MYT1: variants seen among roughly 807,000 people sequenced by gnomAD.
The protein encoded by MYT1 is myelin transcription factor I.
In MYT1, 23 loss-of-function variants were observed where a neutral mutation model predicts 123.0. The observed-to-expected ratio is 0.19, with a 90% confidence interval of 0.13 to 0.26. MYT1 has a LOEUF of 0.26. Ranked by LOEUF, MYT1 falls within the 10% of genes least tolerant of loss-of-function variation. MYT1 has a pLI of 1.00. For missense variants in MYT1, 1,125 were observed against 1,472.5 expected (o/e 0.76, Z 3.86); for synonymous variants, 518 against 575.3 (o/e 0.90, Z 1.43).
Position 64,168,582 on chromosome 20 carries a change from C to T in MYT1, c.-99+3843C>T, listed in dbSNP as rs1381715023. ...CACAGCTGTGGGTGTCTGTGGTCCT[C>T]CTGCCACCCCTTGTCCTGCAGCACC... On this transcript the variant is annotated intron_variant, in intron 1 of 22. Coordinates refer to ENST00000328439, the MANE Select transcript of MYT1 (RefSeq NM_004535.3). The surrounding 1 kb of genome is among the most constrained non-coding windows in gnomAD (Gnocchi z 6.1). 1.3e-5 allele frequency among the ~76,000 whole-genome samples: 2 copies of T among 152,208 alleles called. No homozygotes were observed. The highest frequency in any genetic ancestry group is 3.9e-4 in the East Asian group (2 of 5,192).
chr20:64,221,958 T>G lies in MYT1; in HGVS notation c.2307T>G (p.Asn769Lys). ...EADDQEVSEE[N>K]FEERKYPGEV... Reference sequence around the variant, plus strand: ...ATGACCAGGAAGTGTCGGAAGAGAATTTTGAGGAGCGGAAGTATCCGGGGG... The same window carrying G: ...ATGACCAGGAAGTGTCGGAAGAGAAGTTTGAGGAGCGGAAGTATCCGGGGG... The change falls in exon 14 of 23, where the codon AAT (asparagine) becomes AAG (lysine). Residue 769 changes from asparagine to lysine, a missense_variant. Asn to Lys is a moderately conservative substitution (Grantham distance 94). This residue lies in a region of MYT1 where 429 missense variants were observed against 604.1 expected (regional missense o/e 0.71). Transcript: ENST00000328439. The G allele has an allele frequency of 6.2e-7, 1 of 1,613,774 alleles. No homozygotes were observed. Among genetic ancestry groups the G allele is most frequent in the South Asian group, 1.1e-5 (1 of 91,046 alleles).
At chr20:64,214,339 CTGTT>C (rs1292915958) in intron 10 of MYT1, among the ~76,000 whole-genome samples, 1 of 151,800 alleles carries the variant, frequency 6.6e-6, no homozygotes. Context: ...GTTCACACGC[CTGTT>C]TGTGTTCGCA....
intron 1 of MYT1, among the ~76,000 whole-genome samples, chr20:64,178,929 G>A (rs1479096922): frequency 7.5e-6 from 1 of 133,440 alleles, no homozygotes; most frequent in African/African-American, 2.9e-5. Flanking sequence ...GCACTGAGCC[G>A]TTATTCAGTG....
rs1265541000 is a variant in MYT1, at chr20:64,213,786, T to G, written c.1631+139T>G. 1 of 735,582 alleles carries G rather than the reference T, an allele frequency of 1.4e-6. No individual in the cohort carries two copies. The highest frequency in any genetic ancestry group is 1.7e-5 in the African/African-American group (1 of 57,444). 45.6% of individuals were successfully genotyped at this position (735,582 alleles called of 1,614,324 possible). A position where few individuals can be genotyped will look rare whatever the true frequency, so the allele number is the denominator to read the frequency against. The stretch of plus-strand genomic sequence containing the variant: ...ACGTGCATGTGAGTGTACGTGCATG[T>G]GAGTGTGCACATGCCCCGGGCCCCC... On this transcript the variant is annotated intron_variant, in intron 10 of 22. Transcript: ENST00000328439. The surrounding 1 kb of genome is among the most constrained non-coding windows in gnomAD (Gnocchi z 5.6).
intron 7 of MYT1, among the ~76,000 whole-genome samples, chr20:64,210,610 C>T (rs541015496): frequency 7.9e-5 from 12 of 152,344 alleles, no homozygotes; most frequent in Middle Eastern, 3.4e-3. Flanking sequence ...GGGGACAGCT[C>T]TCGTCCAAAG....
At chr20:64,236,461 G>T in intron 19 of MYT1, 94 bp from the exon 20 acceptor site, 1 of 949,648 alleles carries the variant, frequency 1.1e-6, no homozygotes, top group South Asian at 1.5e-5. Context: ...GCTGGCCGTG[G>T]TATGTGACCC....
Position 64,217,135 on chromosome 20 carries a change from C to T in MYT1, c.1700C>T (p.Ala567Val). 7 of 1,614,220 alleles carry T rather than the reference C, an allele frequency of 4.3e-6. No homozygotes were observed. Among genetic ancestry groups the T allele is most frequent in the Non-Finnish European group, 5.9e-6 (7 of 1,180,044 alleles). The change falls in exon 11 of 23, where the codon GCC (alanine) becomes GTC (valine). Residue 567 changes from alanine (A) to valine (V), a missense_variant. Physicochemically the swap from Ala to Val is moderately conservative, Grantham distance 64. This residue lies in a region of MYT1 where 429 missense variants were observed against 604.1 expected (regional missense o/e 0.71). Coordinates refer to ENST00000328439, the MANE Select transcript of MYT1 (RefSeq NM_004535.3). ...AGCTACCGGCCCAACGTGGCCCCCG[C>T]CACACCCAGGGCCAACTTGGCCAAG... ...YGSYRPNVAP[A>V]TPRANLAKEL...
rs1983333124 is a variant in MYT1, at chr20:64,202,018, C to CT, written c.86+2096_86+2097insT. Among the ~76,000 whole-genome samples, 3 of 46,516 alleles carry CT rather than the reference C, an allele frequency of 6.4e-5. No homozygotes were observed. The highest frequency in any genetic ancestry group is 1.2e-4 in the African/African-American group (2 of 17,014). 30.5% of individuals were successfully genotyped at this position (46,516 alleles called of 152,430 possible). A position where few individuals can be genotyped will look rare whatever the true frequency, so the allele number is the denominator to read the frequency against. ...GAACCCCCGCGTGTCGGGAACCCCT[C>CT]GCGTGTCGGGAACCCCCGCGTGTCG... On this transcript the variant is annotated intron_variant, in intron 4 of 22. Transcript: ENST00000328439. The surrounding 1 kb of genome is among the most constrained non-coding windows in gnomAD (Gnocchi z 5.0).
intron 1 of MYT1, among the ~76,000 whole-genome samples, chr20:64,184,633 A>C (rs1982745994): frequency 6.6e-6 from 1 of 152,236 alleles, no homozygotes; most frequent in South Asian, 2.1e-4. Flanking sequence ...ACAAATTTTT[A>C]GAATGAGTTT....
Position 64,192,336 on chromosome 20 carries a change from A to C in MYT1, c.-1+2176A>C. 6.6e-6 allele frequency among the ~76,000 whole-genome samples: 1 copy of C among 152,284 alleles called. No individual in the cohort carries two copies. The highest frequency in any genetic ancestry group is 1.5e-5 in the Non-Finnish European group (1 of 68,020). ...TGAGAAAGGGTCGACTGCCTAGAGG[A>C]CAGTGGGGCAGCAGGTGCAAGTAGA... On this transcript the variant is annotated intron_variant, in intron 2 of 22. Coordinates refer to ENST00000328439, the MANE Select transcript of MYT1 (RefSeq NM_004535.3). This position sits in a 1 kb window ranked among gnomAD's most constrained non-coding sequence, Gnocchi z 5.3.
intron 18 of MYT1, among the ~76,000 whole-genome samples, chr20:64,228,935 T>G (rs1984247060): frequency 6.6e-6 from 1 of 152,178 alleles, no homozygotes; most frequent in Admixed American, 6.5e-5. Flanking sequence ...CCTCGTTGTG[T>G]TACCTGCTGG....
intron 11 of MYT1, among the ~76,000 whole-genome samples, chr20:64,217,483 T>C (rs1188014174): frequency 6.6e-6 from 1 of 152,224 alleles, no homozygotes; most frequent in Non-Finnish European, 1.5e-5. Flanking sequence ...TGCATCTCAC[T>C]CCTGCTGCCA....
Position 64,219,806 on chromosome 20 carries a change from T to TGCAGCAGCAGCC in MYT1, c.2066_2077dup (p.Ser692_Pro693insArgSerSerSer), listed in dbSNP as rs769022416. On this transcript the variant is annotated inframe_insertion, in exon 13 of 23. Transcript: ENST00000328439. ...AAATGCTTTCCCCAGCAGCAGCAGCTGCAGCAGCAGCCCCGGTGTGAAGTC... is the reference window on the plus strand; with the variant it reads ...AAATGCTTTCCCCAGCAGCAGCAGCTGCAGCAGCAGCCGCAGCAGCAGCCCCGGTGTGAAGTC... The TGCAGCAGCAGCC allele has an allele frequency of 6.2e-7, 1 of 1,613,724 alleles. No individual in the cohort carries two copies. Among genetic ancestry groups the TGCAGCAGCAGCC allele is most frequent in the African/African-American group, 1.3e-5 (1 of 74,922 alleles).
intron 16 of MYT1, among the ~76,000 whole-genome samples, chr20:64,223,665 G>A (rs1030548974): frequency 2.0e-5 from 3 of 152,104 alleles, no homozygotes; most frequent in Non-Finnish European, 2.9e-5. Flanking sequence ...GAAGATCCCC[G>A]ACAGGGCTGT....
At chr20:64,180,833 G>C (rs1000472674) in intron 1 of MYT1, among the ~76,000 whole-genome samples, 1 of 152,222 alleles carries the variant, frequency 6.6e-6, no homozygotes, top group African/African-American at 2.4e-5. Flanking sequence ...TCTCATACAA[G>C]ATTTTGTGGT....
At chr20:64,194,318 CA>C (rs1031443286) in intron 2 of MYT1, among the ~76,000 whole-genome samples, 1 of 152,206 alleles carries the variant, frequency 6.6e-6, no homozygotes, top group African/African-American at 2.4e-5. Context: ...CCTCCCACCC[CA>C]GATGTCCTCA....
intron 8 of MYT1, among the ~76,000 whole-genome samples, chr20:64,211,831 TG>T (rs1182029705): frequency 6.6e-6 from 1 of 151,976 alleles, no homozygotes; most frequent in Non-Finnish European, 1.5e-5. Context: ...GTGGTGGCGG[TG>T]GGGGGCATGC....
chr20:64,201,896 C>T (rs573139429), intron 4 of MYT1, among the ~76,000 whole-genome samples: 66 of 139,284 alleles, frequency 4.7e-4, no homozygotes, highest in African/African-American at 1.6e-3. Flanking sequence ...GTCGGGAACC[C>T]CCGTGTGTCG....
intron 2 of MYT1, among the ~76,000 whole-genome samples, chr20:64,198,605 C>T (rs2983453): frequency 6.2e-4 from 95 of 152,244 alleles, no homozygotes; most frequent in African/African-American, 2.1e-3. Context: ...GTGCACTGTA[C>T]CCTCCTTGCC....
Sources: gnomAD v4.1 joint callset for allele counts (sites outside exome capture counted in the v4.1 genomes callset) on GRCh38, gnomAD v4.1.1 for gene constraint, gnomAD v4.1.1 regional missense constraint, Gnocchi (gnomAD v3.1) non-coding constraint, MANE v1.5 for transcripts, NCBI Gene and HGNC (gene_info 2026-07-23, HGNC 2026-07-21) for gene names.